The following GALNT18 variants were observed in gnomAD, a reference collection of about 807,000 sequenced individuals.
GALNT18 encodes the protein GalNAc-transferase 18.
A neutral mutation model predicts 69.5 loss-of-function variants in GALNT18; 44 were observed. That is an observed-to-expected ratio of 0.63 (90% CI 0.50 to 0.81). The LOEUF (loss-of-function observed/expected upper bound fraction) is 0.81. Ranked by LOEUF, GALNT18 falls within the 40% of genes least tolerant of loss-of-function variation. The pLI, the probability that GALNT18 is intolerant of heterozygous loss-of-function variation, is 0.00. For missense variants in GALNT18, 715 were observed against 810.0 expected (o/e 0.88, Z 1.42); for synonymous variants, 364 against 318.2 (o/e 1.14, Z -1.53).
chr11:11,545,485 C>T (rs1419824193), intron 1 of GALNT18, among the ~76,000 whole-genome samples: 1 of 152,224 alleles, frequency 6.6e-6, no homozygotes, highest in Non-Finnish European at 1.5e-5. Context: ...TATATGCCAA[C>T]CATGCCCACC....
At chr11:11,597,892 T>G (rs1859540153) in intron 1 of GALNT18, among the ~76,000 whole-genome samples, 1 of 152,062 alleles carries the variant, frequency 6.6e-6, no homozygotes, top group African/African-American at 2.4e-5. Flanking sequence ...GATCTCCTGA[T>G]CTCATGATCC....
rs935014997 is a variant in GALNT18, at chr11:11,604,201, C to T, written c.235+17158G>A. ...TTTATGGTATTTTGTTATAGCAGCCCAAATAGACTAAGATACCACTTTTCA... is the reference window on the plus strand; with the variant it reads ...TTTATGGTATTTTGTTATAGCAGCCTAAATAGACTAAGATACCACTTTTCA... On this transcript the variant is annotated intron_variant, in intron 1 of 10. Transcript: ENST00000227756. The surrounding 1 kb of genome is among the most constrained non-coding windows in gnomAD (Gnocchi z 5.6). 5.3e-5 allele frequency among the ~76,000 whole-genome samples: 8 copies of T among 152,138 alleles called. No individual in the cohort carries two copies. Among genetic ancestry groups the T allele is most frequent in the African/African-American group, 1.4e-4 (6 of 41,420 alleles).
chr11:11,558,097 A>C (rs1356790185), intron 1 of GALNT18, among the ~76,000 whole-genome samples: 1 of 152,180 alleles, frequency 6.6e-6, no homozygotes, highest in Non-Finnish European at 1.5e-5. Flanking sequence ...TAAGCTCCCC[A>C]CACACATATC....
intron 6 of GALNT18, among the ~76,000 whole-genome samples, chr11:11,343,450 A>G (rs908810466): frequency 6.6e-6 from 1 of 152,212 alleles, no homozygotes; most frequent in Non-Finnish European, 1.5e-5. Flanking sequence ...TCTGATCCCA[A>G]AGAAACTCAA....
intron 1 of GALNT18, among the ~76,000 whole-genome samples, chr11:11,558,023 G>T (rs547470980): frequency 6.6e-6 from 1 of 152,332 alleles, no homozygotes; most frequent in South Asian, 2.1e-4. Context: ...TGAGGCAGGG[G>T]TGGATGGGCA....
chr11:11,359,263 C>A (rs1589935915), intron 6 of GALNT18, among the ~76,000 whole-genome samples: 1 of 140,992 alleles, frequency 7.1e-6, no homozygotes, highest in Admixed American at 7.0e-5. Context: ...TTGGGGAGAA[C>A]CACATACCCA....
chr11:11,412,198 G>A (rs1269714148), intron 3 of GALNT18, among the ~76,000 whole-genome samples: 2 of 152,150 alleles, frequency 1.3e-5, no homozygotes, highest in African/African-American at 4.8e-5. Flanking sequence ...CTTCCCCAAA[G>A]TGTACCTAGG....
chr11:11,506,957 C>T (rs951039973), intron 1 of GALNT18, among the ~76,000 whole-genome samples: 1 of 152,162 alleles, frequency 6.6e-6, no homozygotes, highest in African/African-American at 2.4e-5. Context: ...AGAAAAAGTA[C>T]AGGACAAAAC....
chr11:11,377,277 C>T lies in GALNT18; in HGVS notation c.882G>A (p.Pro294=), dbSNP rs116121337. The T allele has an allele frequency of 2.2e-3, 3,528 of 1,613,904 alleles. 6 individuals are homozygous for T. The highest frequency in any genetic ancestry group is 2.8e-3 in the Non-Finnish European group (3,329 of 1,179,950). Residue 294 remains proline (P), a synonymous_variant, in exon 5 of 11, where the codon CCG becomes CCA. Coordinates refer to ENST00000227756, the MANE Select transcript of GALNT18 (RefSeq NM_198516.3). The surrounding 1 kb of genome is among the most constrained non-coding windows in gnomAD (Gnocchi z 4.6). The part of the protein sequence containing the change: ...KYDNFEIEEY[P]LAAQGFDWEL... Reference sequence around the variant, plus strand: ...CCCAGTCAAAGCCCTGGGCAGCCAGCGGGTACTCTTCTATCTCAAAGTTGT... The same window carrying T: ...CCCAGTCAAAGCCCTGGGCAGCCAGTGGGTACTCTTCTATCTCAAAGTTGT...
rs958415349 is a variant in GALNT18 at position 11,340,529 on chromosome 11, GA to G, written c.1278+289del. On this transcript the variant is annotated intron_variant, in intron 7 of 10. Coordinates refer to ENST00000227756, the MANE Select transcript of GALNT18 (RefSeq NM_198516.3). The surrounding 1 kb of genome is among the most constrained non-coding windows in gnomAD (Gnocchi z 4.2). ...AAGCTGAGGACCTGGGAGCATGAAG[GA>G]AACTTGAGCTACCTGTCCAACTTTC... Among the ~76,000 whole-genome samples, 3 of 152,172 alleles carry G rather than the reference GA, an allele frequency of 2.0e-5. No individual in the cohort carries two copies. Among genetic ancestry groups the G allele is most frequent in the African/African-American group, 7.2e-5 (3 of 41,436 alleles).
At position 11,461,844 on chromosome 11, in the gene GALNT18, G is replaced by A. The variant is rs1856051001; in HGVS notation, c.236-12908C>T. Reference sequence around the variant, plus strand: ...TGCCAGACGCCATGACTCCTTTCAAGGCTCTGCTACAAGAGTCCTTGCTTT... The same window carrying A: ...TGCCAGACGCCATGACTCCTTTCAAAGCTCTGCTACAAGAGTCCTTGCTTT... On this transcript the variant is annotated intron_variant, in intron 1 of 10. Transcript: ENST00000227756. This position sits in a 1 kb window ranked among gnomAD's most constrained non-coding sequence, Gnocchi z 4.1. 1.3e-5 allele frequency among the ~76,000 whole-genome samples: 2 copies of A among 152,226 alleles called. No individual in the cohort carries two copies. The highest frequency in any genetic ancestry group is 4.8e-5 in the African/African-American group (2 of 41,460).
chr11:11,313,383 A>G (rs1393963281), intron 9 of GALNT18, among the ~76,000 whole-genome samples: 2 of 152,224 alleles, frequency 1.3e-5, no homozygotes, highest in Non-Finnish European at 2.9e-5. Flanking sequence ...GAAACCTGCC[A>G]TCAGTACTGT....
rs998373746 is a variant in GALNT18 at position 11,387,260 on chromosome 11, G to C, written c.596-7996C>G. ...TTCGTTTCTCTACTTGGCCATCTTT[G>C]GGTCTGATGTTTTGGACTGTCCCCT... On this transcript the variant is annotated intron_variant, in intron 3 of 10. Transcript: ENST00000227756. The surrounding 1 kb of genome is among the most constrained non-coding windows in gnomAD (Gnocchi z 4.6). 6.6e-6 allele frequency among the ~76,000 whole-genome samples: 1 copy of C among 152,078 alleles called. No homozygotes were observed. Among genetic ancestry groups the C allele is most frequent in the Non-Finnish European group, 1.5e-5 (1 of 68,016 alleles).
At chr11:11,361,302 T>C (rs1466926594) in intron 6 of GALNT18, among the ~76,000 whole-genome samples, 1 of 152,182 alleles carries the variant, frequency 6.6e-6, no homozygotes, top group Admixed American at 6.5e-5. Context: ...AATCGCATCT[T>C]TACCACTTAC....
rs1057048966 is a variant in GALNT18, at chr11:11,555,648, G to A, written c.235+65711C>T. Among the ~76,000 whole-genome samples the A allele has an allele frequency of 1.5e-4, 23 of 152,132 alleles. No homozygotes were observed. The highest frequency in any genetic ancestry group is 5.6e-4 in the African/African-American group (23 of 41,436). ...AAATTGAAACACCCACTAAAGACAC[G>A]TCCTGCCAGACTTTCCTCATTTCCT... On this transcript the variant is annotated intron_variant, in intron 1 of 10. Transcript: ENST00000227756. This position sits in a 1 kb window ranked among gnomAD's most constrained non-coding sequence, Gnocchi z 4.7.
Position 11,389,304 on chromosome 11 carries a change from G to A in GALNT18, c.596-10040C>T, listed in dbSNP as rs7945241. On this transcript the variant is annotated intron_variant, in intron 3 of 10. Coordinates refer to ENST00000227756, the MANE Select transcript of GALNT18 (RefSeq NM_198516.3). The surrounding 1 kb of genome is among the most constrained non-coding windows in gnomAD (Gnocchi z 4.3). ...TAGGCTCAACAGAAGCTCTTCCCCTGGGACCATAACTCCGTGTCCTCTATT... is the reference window on the plus strand; with the variant it reads ...TAGGCTCAACAGAAGCTCTTCCCCTAGGACCATAACTCCGTGTCCTCTATT... Among the ~76,000 whole-genome samples the A allele has an allele frequency of 0.57, 87,306 of 152,004 alleles. 25,804 individuals are homozygous for A. Among genetic ancestry groups the A allele is most frequent in the East Asian group, 0.91 (4,680 of 5,164 alleles).
In GALNT18 at chr11:11,280,031, A is replaced by AT. The variant is rs934294099; in HGVS notation, c.1678-8742dup. Among the ~76,000 whole-genome samples the AT allele has an allele frequency of 8.4e-4, 128 of 152,100 alleles. 1 individual carries two copies. Among genetic ancestry groups the AT allele is most frequent in the African/African-American group, 3.1e-3 (127 of 41,480 alleles). On this transcript the variant is annotated intron_variant, in intron 10 of 10. Transcript: ENST00000227756. ...TGTGTGTGTTGGGAGGGGACATGGG[A>AT]TTACCGACTTCCTGTGTTGGGGAGA...
intron 2 of GALNT18, among the ~76,000 whole-genome samples, 200 bp downstream of exon 2, chr11:11,448,544 C>T (rs1855712235): frequency 6.6e-6 from 1 of 152,212 alleles, no homozygotes; most frequent in Middle Eastern, 3.2e-3. Flanking sequence ...AAGCTTTGCC[C>T]CTACTCAGCT....
In GALNT18 at chr11:11,309,364, T is replaced by G. The variant is rs955864873; in HGVS notation, c.1513-16171A>C. 6.6e-6 allele frequency among the ~76,000 whole-genome samples: 1 copy of G among 152,184 alleles called. No homozygotes were observed. Among genetic ancestry groups the G allele is most frequent in the Non-Finnish European group, 1.5e-5 (1 of 68,040 alleles). On this transcript the variant is annotated intron_variant, in intron 9 of 10. Transcript: ENST00000227756. This position sits in a 1 kb window ranked among gnomAD's most constrained non-coding sequence, Gnocchi z 4.6. ...TAATCTTGATTACCCACTCTCTTAC[T>G]TCCCAATGCCTGCTCATCAACCTAA...
Sources: allele counts gnomAD v4.1 joint callset (sites outside exome capture counted in the v4.1 genomes callset), GRCh38; gene constraint gnomAD v4.1.1; non-coding constraint Gnocchi (gnomAD v3.1); transcripts MANE v1.5; gene names NCBI Gene and HGNC (gene_info 2026-07-23, HGNC 2026-07-21).